EIF2AK3: variants seen among roughly 807,000 people sequenced by gnomAD.
The protein encoded by EIF2AK3 is eukaryotic translation initiation factor 2-alpha kinase 3.
Under a neutral mutation model 113.5 loss-of-function variants are expected in EIF2AK3, and 50 were observed. That is an observed-to-expected ratio of 0.44 (90% CI 0.35 to 0.56). The LOEUF is 0.56. Among genes scored for constraint, EIF2AK3 ranks in the 20% least tolerant of loss-of-function variants. The probability of loss-of-function intolerance (pLI) is 0.00; values close to 1 mark genes in which losing one functional copy is unlikely to be tolerated. For missense variants in EIF2AK3, 1,185 were observed against 1,378.0 expected (o/e 0.86, Z 2.22); for synonymous variants, 448 against 495.4 (o/e 0.90, Z 1.27).
chr2:88,617,029 G>A (rs995508755), intron 1 of EIF2AK3, among the ~76,000 whole-genome samples: 22 of 152,156 alleles, frequency 1.4e-4, no homozygotes, highest in African/African-American at 5.1e-4. Flanking sequence ...GAATTAAGAA[G>A]CACCACCGGA....
chr2:88,589,011 T>G, intron 6 of EIF2AK3, 110 bp from the exon 7 acceptor site: 27 of 1,285,120 alleles, frequency 2.1e-5, no homozygotes, highest in South Asian at 2.6e-5. Context: ...CACAAAACTC[T>G]TGTCAAAGAA....
intron 15 of EIF2AK3, among the ~76,000 whole-genome samples, chr2:88,559,801 A>G (rs1035362171): frequency 6.6e-6 from 1 of 152,118 alleles, no homozygotes; most frequent in Non-Finnish European, 1.5e-5. Context: ...CCTTCCTTGT[A>G]ATGGTTGAAT....
At chr2:88,593,599 A>G (rs561824913) in intron 3 of EIF2AK3, among the ~76,000 whole-genome samples, 194 bp from the exon 4 acceptor site, 1 of 152,248 alleles carries the variant, frequency 6.6e-6, no homozygotes, top group African/African-American at 2.4e-5. Context: ...GACAGTACCA[A>G]TGAATATTTA....
chr2:88,617,005 T>G (rs1422683719), intron 1 of EIF2AK3, among the ~76,000 whole-genome samples: 1 of 152,224 alleles, frequency 6.6e-6, no homozygotes, highest in East Asian at 1.9e-4. Context: ...GAGGCACCCC[T>G]TCTGCTGTGG....
chr2:88,565,343 CT>C (rs61470556), intron 14 of EIF2AK3, among the ~76,000 whole-genome samples: 1,032 of 124,036 alleles, frequency 8.3e-3, no homozygotes, highest in African/African-American at 9.4e-3. Flanking sequence ...GCCAAAAAAA[CT>C]TTTTTTTTTT....
At position 88,575,258 on chromosome 2, in the gene EIF2AK3, T is replaced by G. The variant is rs1309864268; in HGVS notation, c.2225A>C (p.Glu742Ala). Residue 742 changes from glutamate (E) to alanine (A), a missense_variant, in exon 13 of 17, where the codon GAA (glutamate) becomes GCA (alanine). Around this residue, in one of 3 missense-constraint regions of EIF2AK3, gnomAD observed 877 missense variants for 1,024.2 expected, o/e 0.86. Coordinates refer to ENST00000303236, the MANE Select transcript of EIF2AK3 (RefSeq NM_004836.7). Reference sequence around the variant, plus strand: ...GTCCTCATGGTCCATTCCTGAGAATTCCAGTGGTGAGAACTGGCTCTCAGA... The same window carrying G: ...GTCCTCATGGTCCATTCCTGAGAATGCCAGTGGTGAGAACTGGCTCTCAGA... ...SSSESQFSPLEFSGMDHEDIS... is the reference protein window; with the variant it reads ...SSSESQFSPLAFSGMDHEDIS... 1 of 1,614,020 alleles carries G rather than the reference T, an allele frequency of 6.2e-7. No homozygotes were observed. Among genetic ancestry groups the G allele is most frequent in the South Asian group, 1.1e-5 (1 of 91,080 alleles).
intron 14 of EIF2AK3, among the ~76,000 whole-genome samples, chr2:88,567,263 T>C (rs150581594): frequency 0.039 from 5,911 of 152,238 alleles, 141 homozygotes; most frequent in Non-Finnish European, 0.051. Flanking sequence ...TTCATGGGGA[T>C]ATTTAAACAC....
intron 2 of EIF2AK3, among the ~76,000 whole-genome samples, chr2:88,606,799 G>C (rs926011040): frequency 1.3e-5 from 2 of 152,152 alleles, no homozygotes; most frequent in South Asian, 2.1e-4. Flanking sequence ...GATATGGGGA[G>C]GGGGAGGAGG....
chr2:88,615,610 G>A (rs559653379), intron 1 of EIF2AK3, among the ~76,000 whole-genome samples: 5 of 152,098 alleles, frequency 3.3e-5, no homozygotes, highest in Non-Finnish European at 5.9e-5. Context: ...CTAGAACTAT[G>A]AGAAATAAAG....
At chr2:88,587,182 G>C (rs1447505145) in intron 8 of EIF2AK3, among the ~76,000 whole-genome samples, 7 of 127,800 alleles carry the variant, frequency 5.5e-5, no homozygotes, top group Non-Finnish European at 1.1e-4. Flanking sequence ...TCCAGCCTGG[G>C]TGACAGAGCG....
intron 13 of EIF2AK3, among the ~76,000 whole-genome samples, chr2:88,572,403 G>A (rs2104406005): frequency 6.6e-6 from 1 of 152,350 alleles, no homozygotes; most frequent in Admixed American, 6.5e-5. Flanking sequence ...TAGTGTGGAA[G>A]GCATCCATGC....
At chr2:88,563,307 G>A (rs1007750567) in intron 14 of EIF2AK3, among the ~76,000 whole-genome samples, 29 of 152,222 alleles carry the variant, frequency 1.9e-4, no homozygotes, top group African/African-American at 6.3e-4. Flanking sequence ...GGCCTTCTGC[G>A]CAGCCTGCCT....
intron 1 of EIF2AK3, among the ~76,000 whole-genome samples, chr2:88,618,129 C>G (rs1351941692): frequency 1.3e-5 from 2 of 152,186 alleles, no homozygotes; most frequent in Non-Finnish European, 2.9e-5. Flanking sequence ...CTGCAGTGAA[C>G]TGTTATTGCA....
rs1021841131 is a variant in EIF2AK3 at position 88,574,148 on chromosome 2, A to G, written c.2817+518T>C. 3.6e-4 allele frequency among the ~76,000 whole-genome samples: 55 copies of G among 152,234 alleles called. 1 individual carries two copies. The highest frequency in any genetic ancestry group is 6.8e-3 in the Middle Eastern group (2 of 294). On this transcript the variant is annotated intron_variant, in intron 13 of 16. Transcript: ENST00000303236. Reference sequence around the variant, plus strand: ...CATTCGGCTTCTTACCCCTTCCCCCAAAGTCTAAACAGTTCAGAAAAAGAA... The same window carrying G: ...CATTCGGCTTCTTACCCCTTCCCCCGAAGTCTAAACAGTTCAGAAAAAGAA...
intron 2 of EIF2AK3, among the ~76,000 whole-genome samples, chr2:88,601,756 C>T (rs1675152412): frequency 6.6e-6 from 1 of 151,656 alleles, no homozygotes; most frequent in African/African-American, 2.4e-5. Context: ...TGCTTGATGG[C>T]CTACTATTTC....
intron 8 of EIF2AK3, 105 bp downstream of exon 8, chr2:88,587,877 C>T (rs1454889615): frequency 1.3e-5 from 10 of 788,320 alleles, no homozygotes; most frequent in Non-Finnish European, 1.9e-5. Flanking sequence ...GAAATTGTCT[C>T]CCAAGATGTT....
chr2:88,593,175 C>T, intron 4 of EIF2AK3, 97 bp downstream of exon 4: 1 of 1,488,204 alleles, frequency 6.7e-7, no homozygotes, highest in East Asian at 2.3e-5. Context: ...TTTAAGGCAA[C>T]AAAATAGTCA....
At position 88,576,550 on chromosome 2, in the gene EIF2AK3, T is replaced by A; in HGVS notation, c.2036+4A>T. ...TTAAGTGTATGTGTAACAAAGTTAG[T>A]TACCTTTCATCTTTCAGCCAAATTT... On this transcript the variant is annotated splice_donor_region_variant and intron_variant, in intron 12 of 16. Coordinates refer to ENST00000303236, the MANE Select transcript of EIF2AK3 (RefSeq NM_004836.7). The A allele has an allele frequency of 1.2e-6, 2 of 1,614,084 alleles. No homozygotes were observed. Among genetic ancestry groups the A allele is most frequent in the Non-Finnish European group, 1.7e-6 (2 of 1,179,982 alleles).
chr2:88,576,574 T>C lies in EIF2AK3; in HGVS notation c.2016A>G (p.Glu672=). ...PPEKWQEKMD[E]IWLKDESTDW... is the part of the protein sequence containing the mutation. ...GTTACCTTTCATCTTTCAGCCAAAT[T>C]TCATCCATCTTTTCTTGCCACTTCT... is the stretch of plus-strand genomic sequence containing the variant. The change falls in exon 12 of 17, where the codon GAA becomes GAG. Residue 672 remains glutamate (E), a synonymous_variant. Coordinates refer to ENST00000303236, the MANE Select transcript of EIF2AK3 (RefSeq NM_004836.7). 1 of 1,614,146 alleles carries C rather than the reference T, an allele frequency of 6.2e-7. No individual in the cohort carries two copies. Among genetic ancestry groups the C allele is most frequent in the Non-Finnish European group, 8.5e-7 (1 of 1,179,998 alleles).
Sources: gnomAD v4.1 joint callset for allele counts (sites outside exome capture counted in the v4.1 genomes callset) on GRCh38, gnomAD v4.1.1 for gene constraint, gnomAD v4.1.1 regional missense constraint, MANE v1.5 for transcripts, NCBI Gene and HGNC (gene_info 2026-07-23, HGNC 2026-07-21) for gene names.